RBFOX3: variants seen among roughly 807,000 people sequenced by gnomAD.
RBFOX3 encodes RNA binding fox-1 homolog 3, also known as RNA binding protein fox-1 homolog 3.
RBFOX3 carries 17 observed loss-of-function variants against 48.7 expected under a neutral mutation model. That is an observed-to-expected ratio of 0.35 (90% CI 0.24 to 0.52). The LOEUF (loss-of-function observed/expected upper bound fraction) is 0.52, where lower values mean the gene tolerates loss of function less well. Among genes scored for constraint, RBFOX3 ranks in the 20% least tolerant of loss-of-function variants. The pLI, the probability that RBFOX3 is intolerant of heterozygous loss-of-function variation, is 0.94. For missense variants in RBFOX3, 382 were observed against 497.5 expected (o/e 0.77, Z 2.21); for synonymous variants, 212 against 209.5 (o/e 1.01, Z -0.10).
intron 4 of RBFOX3, among the ~76,000 whole-genome samples, chr17:79,210,886 G>A (rs1210121950): frequency 2.6e-5 from 4 of 151,090 alleles, no homozygotes; most frequent in East Asian, 3.9e-4. Flanking sequence ...TCTAGGCAGC[G>A]AGCAGTGAGC....
the RBFOX3 span, among the ~76,000 whole-genome samples, chr17:79,635,218 G>A: frequency 6.6e-6 from 1 of 152,050 alleles, no homozygotes; most frequent in Admixed American, 6.6e-5. Context: ...TCTCAGGGAT[G>A]CCTGGTTAAG....
intron 3 of RBFOX3, among the ~76,000 whole-genome samples, chr17:79,289,098 C>G (rs1201184711): frequency 6.6e-6 from 1 of 152,192 alleles, no homozygotes; most frequent in African/African-American, 2.4e-5. Context: ...AACCTGTCAT[C>G]TCTAACCTTC....
chr17:79,304,861 G>T (rs947422978), intron 3 of RBFOX3, among the ~76,000 whole-genome samples: 8 of 152,194 alleles, frequency 5.3e-5, no homozygotes, highest in African/African-American at 1.9e-4. Flanking sequence ...CGTGACACGG[G>T]TGCCGTGTTC....
intron 2 of RBFOX3, among the ~76,000 whole-genome samples, chr17:79,467,640 A>C (rs1443669584): frequency 6.6e-6 from 1 of 152,082 alleles, no homozygotes; most frequent in African/African-American, 2.4e-5. Flanking sequence ...GGGGGGCAGC[A>C]CCTGTTCCGT....
At chr17:79,293,209 G>A (rs1461425997) in intron 3 of RBFOX3, among the ~76,000 whole-genome samples, 1 of 152,202 alleles carries the variant, frequency 6.6e-6, no homozygotes, top group African/African-American at 2.4e-5. Context: ...AGAAAACTGA[G>A]AATTTAGAGG....
At chr17:79,144,728 G>A (rs578086309) in intron 4 of RBFOX3, among the ~76,000 whole-genome samples, 58 of 152,318 alleles carry the variant, frequency 3.8e-4, no homozygotes, top group Non-Finnish European at 7.5e-4. Context: ...CTGGGTTTCT[G>A]TTTCCTAGTC....
At chr17:79,276,131 G>A (rs976056253) in intron 3 of RBFOX3, among the ~76,000 whole-genome samples, 6 of 152,150 alleles carry the variant, frequency 3.9e-5, no homozygotes, top group African/African-American at 7.2e-5. Flanking sequence ...AAGGCCCCGC[G>A]TGGCATGATT....
chr17:79,586,199 C>T (rs2093244984), intron 1 of RBFOX3, among the ~76,000 whole-genome samples: 1 of 152,224 alleles, frequency 6.6e-6, no homozygotes, highest in Admixed American at 6.5e-5. Context: ...CGAGGGTGCC[C>T]CCATTCCAGG....
At chr17:79,474,311 T>C (rs1598851600) in intron 2 of RBFOX3, among the ~76,000 whole-genome samples, 1 of 152,318 alleles carries the variant, frequency 6.6e-6, no homozygotes, top group East Asian at 1.9e-4. Context: ...TTCTCATGTT[T>C]CTCCATCCAG....
intron 1 of RBFOX3, among the ~76,000 whole-genome samples, chr17:79,570,393 T>C (rs2092630484): frequency 6.6e-6 from 1 of 151,516 alleles, no homozygotes; most frequent in African/African-American, 2.4e-5. Context: ...AGATGGATGG[T>C]AGATAGAAGA....
chr17:79,566,149 T>C (rs1296924485), intron 1 of RBFOX3, among the ~76,000 whole-genome samples: 2 of 152,182 alleles, frequency 1.3e-5, no homozygotes, highest in African/African-American at 4.8e-5. Context: ...GAGAAGGTGC[T>C]GATAGAGCCC....
intron 2 of RBFOX3, among the ~76,000 whole-genome samples, chr17:79,314,389 G>A (rs1337821765): frequency 6.6e-6 from 1 of 152,086 alleles, no homozygotes. Context: ...CTCAGCATCA[G>A]TGATGCTGGG....
At position 79,252,332 on chromosome 17, in the gene RBFOX3, G is replaced by A. The variant is rs1326517846; in HGVS notation, c.-73-16527C>T. Among the ~76,000 whole-genome samples, 2 of 152,148 alleles carry A rather than the reference G, an allele frequency of 1.3e-5. No individual in the cohort carries two copies. The highest frequency in any genetic ancestry group is 2.9e-5 in the Non-Finnish European group (2 of 68,040). Reference sequence around the variant, plus strand: ...TCTCCCAGACTGCTCTGTCCCACATGGCTGAGGCTCAGGGTCTTCTCCCAG... The same window carrying A: ...TCTCCCAGACTGCTCTGTCCCACATAGCTGAGGCTCAGGGTCTTCTCCCAG... On this transcript the variant is annotated intron_variant, in intron 3 of 14. Transcript: ENST00000693108. This position sits in a 1 kb window ranked among gnomAD's most constrained non-coding sequence, Gnocchi z 4.0.
chr17:79,536,554 C>T lies in RBFOX3; in HGVS notation c.-319-53956G>A, dbSNP rs150068390. 3.7e-4 allele frequency among the ~76,000 whole-genome samples: 57 copies of T among 152,396 alleles called. 1 individual carries two copies. The East Asian group carries it at 9.3e-3, about 25-fold the overall frequency. ...ACTGTGGTGGCATCAGCCCCGTCAA[C>T]GGTGATCCATTGCCCTGATGGGCAA... is the stretch of plus-strand genomic sequence containing the variant. On this transcript the variant is annotated intron_variant, in intron 1 of 14. Coordinates refer to ENST00000693108, the MANE Select transcript of RBFOX3 (RefSeq NM_001350451.2).
chr17:79,372,602 C>T (rs1309552547), intron 2 of RBFOX3, among the ~76,000 whole-genome samples: 1 of 152,154 alleles, frequency 6.6e-6, no homozygotes, highest in Non-Finnish European at 1.5e-5. Flanking sequence ...CCTAGCTCAG[C>T]CCAGTCTCCT....
chr17:79,659,924 A>G, the RBFOX3 span, among the ~76,000 whole-genome samples: 33 of 152,228 alleles, frequency 2.2e-4, no homozygotes, highest in African/African-American at 7.9e-4. Flanking sequence ...CAGTGGCTCA[A>G]GCCTATAATC....
intron 2 of RBFOX3, among the ~76,000 whole-genome samples, chr17:79,420,318 T>C (rs1282934897): frequency 6.6e-6 from 1 of 152,218 alleles, no homozygotes. Context: ...CTGCCATTTT[T>C]AAAAATACTT....
intron 2 of RBFOX3, among the ~76,000 whole-genome samples, chr17:79,372,780 C>G (rs1407826194): frequency 1.3e-5 from 2 of 152,202 alleles, no homozygotes; most frequent in Non-Finnish European, 2.9e-5. Flanking sequence ...GCGTGGGCAT[C>G]AGGAGGAACC....
At chr17:79,426,502 G>T (rs2067413743) in intron 2 of RBFOX3, among the ~76,000 whole-genome samples, 1 of 152,128 alleles carries the variant, frequency 6.6e-6, no homozygotes, top group African/African-American at 2.4e-5. Flanking sequence ...TTTCCTTCCA[G>T]CCGATGGGGC....
Sources: allele counts gnomAD v4.1 joint callset (sites outside exome capture counted in the v4.1 genomes callset), GRCh38; gene constraint gnomAD v4.1.1; non-coding constraint Gnocchi (gnomAD v3.1); transcripts MANE v1.5; gene names NCBI Gene and HGNC (gene_info 2026-07-23, HGNC 2026-07-21).